RASIP1: variants seen among roughly 807,000 people sequenced by gnomAD.
The protein encoded by RASIP1 is Ras interacting protein 1.
Under a neutral mutation model 85.3 loss-of-function variants are expected in RASIP1, and 20 were observed. The observed-to-expected ratio is 0.23, with a 90% confidence interval of 0.17 to 0.34. The LOEUF is 0.34. RASIP1 is among the 10% of genes least tolerant of loss of function. RASIP1 has a pLI of 1.00. For missense variants in RASIP1, 1,170 were observed against 1,390.9 expected (o/e 0.84, Z 2.53); for synonymous variants, 617 against 647.1 (o/e 0.95, Z 0.71).
rs1002898397 is a variant in RASIP1 at position 48,735,481 on chromosome 19, G to A, written c.894C>T (p.Ala298=). Residue 298 remains alanine (A), a synonymous_variant, in exon 4 of 12, where the codon GCC becomes GCT. Transcript: ENST00000222145. ...SRAASGGAAL[A]SPGPGTGSGA... is the part of the protein sequence containing the mutation. ...CTGATCCGGTCCCCGGGCCAGGACT[G>A]GCCAGCGCTGCCCCACCCGACGCCG... is the stretch of plus-strand genomic sequence containing the variant. 4.5e-6 allele frequency: 7 copies of A among 1,570,496 alleles called. No homozygotes were observed. In the African/African-American group the frequency reaches 9.5e-5, roughly 21 times the overall value.
chr19:48,737,072 G>C (rs1388665185), intron 3 of RASIP1, among the ~76,000 whole-genome samples: 2 of 152,080 alleles, frequency 1.3e-5, no homozygotes, highest in Admixed American at 1.3e-4. Flanking sequence ...AAACAAAAAG[G>C]AAAATGTGTG....
Position 48,738,880 on chromosome 19 carries a change from A to C in RASIP1, c.823+80T>G, listed in dbSNP as rs1473327019. ...CCCCCAGCCAGCCCGCGAGTCCCAC[A>C]AGCCCCGCCCAGGCCCCGCCCCACG... On this transcript the variant is annotated intron_variant, in intron 3 of 11. Coordinates refer to ENST00000222145, the MANE Select transcript of RASIP1 (RefSeq NM_017805.3). This position sits in a 1 kb window ranked among gnomAD's most constrained non-coding sequence, Gnocchi z 4.0. 2.5e-5 allele frequency: 24 copies of C among 959,598 alleles called. No individual in the cohort carries two copies. Among genetic ancestry groups the C allele is most frequent in the Admixed American group, 1.4e-4 (2 of 14,440 alleles). The allele number at this position is 959,598 out of a possible 1,614,324, so 59.4% of individuals were successfully genotyped here.
intron 4 of RASIP1, among the ~76,000 whole-genome samples, chr19:48,733,195 C>G (rs929980206): frequency 6.6e-6 from 1 of 152,146 alleles, no homozygotes; most frequent in African/African-American, 2.4e-5. Context: ...TGGGTAATTT[C>G]TTGTCCTTTT....
rs1190620495 is a variant in RASIP1, at chr19:48,720,801, A to G, written c.2889T>C (p.Pro963=). Residue 963 remains proline (P), a synonymous_variant, in exon 12 of 12, where the codon CCT becomes CCC. Transcript: ENST00000222145. ...YRHGPPVATS[P] ...CGCGCTCGTTTGGTATTGGTTCTCA[A>G]GGAGACGTGGCCACGGGAGGCCCAT... is the stretch of plus-strand genomic sequence containing the variant. 1.9e-6 allele frequency: 3 copies of G among 1,613,922 alleles called. No homozygotes were observed. The East Asian group carries it at 6.7e-5, about 36-fold the overall frequency.
At chr19:48,733,860 A>G (rs1394362514) in intron 4 of RASIP1, among the ~76,000 whole-genome samples, 1 of 151,872 alleles carries the variant, frequency 6.6e-6, no homozygotes, top group Admixed American at 6.6e-5. Flanking sequence ...AAGAAAACAC[A>G]GGCTTATCCA....
chr19:48,729,736 A>C, intron 4 of RASIP1, 146 bp from the exon 5 acceptor site: 6 of 809,812 alleles, frequency 7.4e-6, no homozygotes, highest in Non-Finnish European at 1.1e-5. Flanking sequence ...TTTTTTTGAG[A>C]TGGAGTCTCG....
chr19:48,729,129 G>A lies in RASIP1; in HGVS notation c.1641C>T (p.Phe547=). 1 of 1,362,950 alleles carries A rather than the reference G, an allele frequency of 7.3e-7. No homozygotes were observed. Among genetic ancestry groups the A allele is most frequent in the Non-Finnish European group, 9.4e-7 (1 of 1,060,980 alleles). The allele number at this position is 1,362,950 out of a possible 1,614,324, so 84.4% of individuals were successfully genotyped here. A position where few individuals can be genotyped will look rare whatever the true frequency, so the allele number is the denominator to read the frequency against. Reference sequence around the variant, plus strand: ...GCAGCGCCTCCTCCTCGCGCGGCCGGAAGCGCAGGACTGGCTCACGGCCGT... The same window carrying A: ...GCAGCGCCTCCTCCTCGCGCGGCCGAAAGCGCAGGACTGGCTCACGGCCGT... The part of the protein sequence containing the change: ...YLDGREPVLR[F]RPREEEALLG... The change falls in exon 5 of 12, where the codon TTC becomes TTT. Residue 547 remains phenylalanine (F), a synonymous_variant. Coordinates refer to ENST00000222145, the MANE Select transcript of RASIP1 (RefSeq NM_017805.3).
intron 3 of RASIP1, chr19:48,737,846 T>G: frequency 1.1e-6 from 1 of 924,544 alleles, no homozygotes; most frequent in Non-Finnish European, 1.3e-6. Flanking sequence ...CCCGCCCATC[T>G]GCTCTGCATC....
chr19:48,739,162 A>G lies in RASIP1; in HGVS notation c.621T>C (p.Ala207=). The G allele has an allele frequency of 6.9e-7, 1 of 1,448,740 alleles. No individual in the cohort carries two copies. The allele number at this position is 1,448,740 out of a possible 1,614,324, so 89.7% of individuals were successfully genotyped here. A position where few individuals can be genotyped will look rare whatever the true frequency, so the allele number is the denominator to read the frequency against. ...CGCCCGCCGCCGCGGGCCGGCCCAG[A>G]GCGTCGCACAAAGCGAAGGCGTCCA... ...SCVDAFALCD[A]LGRPAAAGVG... The change falls in exon 3 of 12, where the codon GCT becomes GCC. Residue 207 remains alanine (A), a synonymous_variant. Coordinates refer to ENST00000222145, the MANE Select transcript of RASIP1 (RefSeq NM_017805.3). The surrounding 1 kb of genome is among the most constrained non-coding windows in gnomAD (Gnocchi z 9.2).
chr19:48,721,413 G>C (rs1289666134), intron 11 of RASIP1, among the ~76,000 whole-genome samples: 1 of 152,060 alleles, frequency 6.6e-6, no homozygotes, highest in Non-Finnish European at 1.5e-5. Flanking sequence ...ATCTTGACGG[G>C]GGAAGGGGCT....
In RASIP1 at chr19:48,739,124, T is replaced by G. The variant is rs1176752189; in HGVS notation, c.659A>C (p.Glu220Ala). ...RPAAAGVGSG[E>A]WRAEHLRVLG... is the part of the protein sequence containing the mutation. ...CACGCGCAGGTGCTCCGCCCGCCAC[T>G]CGCCGCTTCCCACGCCCGCCGCCGC... The change falls in exon 3 of 12, where the codon GAG becomes GCG. Residue 220 changes from glutamate (E) to alanine (A), a missense_variant. This residue lies in a region of RASIP1 where 299 missense variants were observed against 394.4 expected (regional missense o/e 0.76). Transcript: ENST00000222145. The surrounding 1 kb of genome is among the most constrained non-coding windows in gnomAD (Gnocchi z 9.2). 7.4e-7 allele frequency: 1 copy of G among 1,344,536 alleles called. No individual in the cohort carries two copies. Among genetic ancestry groups the G allele is most frequent in the East Asian group, 3.1e-5 (1 of 31,952 alleles). The allele number at this position is 1,344,536 out of a possible 1,614,324, so 83.3% of individuals were successfully genotyped here.
rs377403982 is a variant in RASIP1 at position 48,720,957 on chromosome 19, G to C, written c.2733C>G (p.Ile911Met). 6.0e-5 allele frequency: 97 copies of C among 1,611,620 alleles called. No individual in the cohort carries two copies. Among genetic ancestry groups the C allele is most frequent in the Non-Finnish European group, 8.1e-5 (95 of 1,179,146 alleles). The change falls in exon 12 of 12, where the codon ATC becomes ATG. Residue 911 changes from isoleucine (I) to methionine (M), a missense_variant. By Grantham distance (10) the Ile-to-Met change is conservative. Transcript: ENST00000222145. ...GCAGGCGCGAGCTCCCCAGGGGGAG[G>C]ATGAGGGGCGGGTGCGAGGAGAAGC... ...FESFSSHPPLILPLGSSRLRL... is the reference protein window; with the variant it reads ...FESFSSHPPLMLPLGSSRLRL...
chr19:48,739,267 C>G lies in RASIP1; in HGVS notation c.516G>C (p.Ala172=). Residue 172 remains alanine, a synonymous_variant, in exon 3 of 12, where the codon GCG becomes GCC. Coordinates refer to ENST00000222145, the MANE Select transcript of RASIP1 (RefSeq NM_017805.3). This position sits in a 1 kb window ranked among gnomAD's most constrained non-coding sequence, Gnocchi z 9.2. The part of the protein sequence containing the change: ...KSVLATARST[A]RELVAEALER... The stretch of plus-strand genomic sequence containing the variant: ...CTAGCGCCTCGGCCACGAGCTCGCG[C>G]GCCGTGGAGCGCGCCGTGGCCAGCA... 6.8e-7 allele frequency: 1 copy of G among 1,466,668 alleles called. No individual in the cohort carries two copies. The highest frequency in any genetic ancestry group is 8.9e-7 in the Non-Finnish European group (1 of 1,117,648). The allele number at this position is 1,466,668 out of a possible 1,614,324, so 90.9% of individuals were successfully genotyped here. A position where few individuals can be genotyped will look rare whatever the true frequency, so the allele number is the denominator to read the frequency against.
At chr19:48,729,913 C>A (rs1445203319) in intron 4 of RASIP1, among the ~76,000 whole-genome samples, 2 of 151,882 alleles carry the variant, frequency 1.3e-5, no homozygotes, top group Non-Finnish European at 2.9e-5. Flanking sequence ...AAGGGTTTCA[C>A]CATGTTGGCC....
In RASIP1 at chr19:48,739,686, C is replaced by T; in HGVS notation, c.138-41G>A. ...GGAACAGAGTCGCGGGAGAGAGACC[C>T]AGGACGACACGCCAAGACGGGGGTG... On this transcript the variant is annotated intron_variant, in intron 2 of 11. Transcript: ENST00000222145. This position sits in a 1 kb window ranked among gnomAD's most constrained non-coding sequence, Gnocchi z 9.2. 1 of 1,361,452 alleles carries T rather than the reference C, an allele frequency of 7.3e-7. No individual in the cohort carries two copies. Among genetic ancestry groups the T allele is most frequent in the South Asian group, 1.7e-5 (1 of 59,970 alleles). The allele number at this position is 1,361,452 out of a possible 1,614,324, so 84.3% of individuals were successfully genotyped here. A position where few individuals can be genotyped will look rare whatever the true frequency, so the allele number is the denominator to read the frequency against.
In RASIP1 at chr19:48,740,301, G is replaced by A. The variant is rs575729673; in HGVS notation, c.-4-15C>T. The A allele has an allele frequency of 6.4e-7, 1 of 1,568,756 alleles. No individual in the cohort carries two copies. The highest frequency in any genetic ancestry group is 8.6e-7 in the Non-Finnish European group (1 of 1,162,046). On this transcript the variant is annotated splice_polypyrimidine_tract_variant and intron_variant, in intron 1 of 11. Transcript: ENST00000222145. This position sits in a 1 kb window ranked among gnomAD's most constrained non-coding sequence, Gnocchi z 5.5. ...ACAGCATGGCCCTAAGGGAAGGCGG[G>A]TAAGGCCCCAACTCCTAAGGCATTC... is the stretch of plus-strand genomic sequence containing the variant.
chr19:48,732,820 T>C (rs897155467), intron 4 of RASIP1, among the ~76,000 whole-genome samples: 8 of 152,184 alleles, frequency 5.3e-5, no homozygotes, highest in African/African-American at 1.9e-4. Flanking sequence ...CTCACCCATA[T>C]ACACAGTCAA....
rs1370738395 is a variant in RASIP1, at chr19:48,729,152, C to A, written c.1618G>T (p.Gly540Cys). ...CGGAAGCGCAGGACTGGCTCACGGC[C>A]GTCCAGGTAGGCGGCCAGTGCCTCG... ...RGEALAAYLD[G>C]REPVLRFRPR... is the part of the protein sequence containing the mutation. The change falls in exon 5 of 12, where the codon GGC becomes TGC. Residue 540 changes from glycine to cysteine, a missense_variant. Physicochemically the swap from Gly to Cys is radical, Grantham distance 159. Transcript: ENST00000222145. 10 of 1,320,500 alleles carry A rather than the reference C, an allele frequency of 7.6e-6. No individual in the cohort carries two copies. Among genetic ancestry groups the A allele is most frequent in the Non-Finnish European group, 9.7e-6 (10 of 1,033,506 alleles). The allele number at this position is 1,320,500 out of a possible 1,614,324, so 81.8% of individuals were successfully genotyped here.
In RASIP1 at chr19:48,739,498, G is replaced by C. The variant is rs1007474605; in HGVS notation, c.285C>G (p.Gly95=). ...RAKRISQLFR[G]SGTGTTGSSG... ...TGGACCCCGTGGTCCCGGTCCCCGA[G>C]CCCCGGAAGAGCTGGGAGATGCGCT... The change falls in exon 3 of 12, where the codon GGC becomes GGG. Residue 95 remains glycine, a synonymous_variant. Coordinates refer to ENST00000222145, the MANE Select transcript of RASIP1 (RefSeq NM_017805.3). The surrounding 1 kb of genome is among the most constrained non-coding windows in gnomAD (Gnocchi z 9.2). The C allele has an allele frequency of 9.3e-6, 14 of 1,508,912 alleles. No homozygotes were observed. The highest frequency in any genetic ancestry group is 1.1e-5 in the Non-Finnish European group (13 of 1,134,894). The allele number at this position is 1,508,912 out of a possible 1,614,324, so 93.5% of individuals were successfully genotyped here.
Sources: allele counts gnomAD v4.1 joint callset (sites outside exome capture counted in the v4.1 genomes callset), GRCh38; gene constraint gnomAD v4.1.1; regional missense constraint gnomAD v4.1.1; non-coding constraint Gnocchi (gnomAD v3.1); transcripts MANE v1.5; gene names NCBI Gene and HGNC (gene_info 2026-07-23, HGNC 2026-07-21).